The following OVCH1 variants were observed in gnomAD, a reference collection of about 807,000 sequenced individuals.
OVCH1 encodes ovochymase 1, also known as ovochymase-1.
OVCH1 carries 139 observed loss-of-function variants against 138.4 expected under a neutral mutation model. That is an observed-to-expected ratio of 1.00 (90% CI 0.87 to 1.16). OVCH1 has a LOEUF of 1.16. Among genes scored for constraint, OVCH1 ranks in the 50% most tolerant of loss-of-function variants. OVCH1 has a pLI of 0.00. For synonymous variants in OVCH1, 453 were observed against 467.8 expected (o/e 0.97, Z 0.41); for missense variants, 1,367 against 1,357.9 (o/e 1.01, Z -0.11).
chr12:29,489,519 T>G, intron 6 of OVCH1, 101 bp downstream of exon 6: 1 of 1,300,388 alleles, frequency 7.7e-7, no homozygotes, highest in South Asian at 1.7e-5. Flanking sequence ...AAAAGAATTT[T>G]GACACAGTAA....
At chr12:29,486,612 A>G (rs1943115421) in intron 7 of OVCH1, among the ~76,000 whole-genome samples, 1 of 152,198 alleles carries the variant, frequency 6.6e-6, no homozygotes, top group Non-Finnish European at 1.5e-5. Flanking sequence ...GATTTTTAAG[A>G]GTTAAGAAAA....
At chr12:29,483,649 C>T (rs1416532615) in intron 8 of OVCH1, among the ~76,000 whole-genome samples, 13 of 152,152 alleles carry the variant, frequency 8.5e-5, no homozygotes, top group Non-Finnish European at 2.9e-5. Flanking sequence ...GTTGTCCAGT[C>T]ACAGTGGGAT....
At chr12:29,473,309 T>A (rs1942580583) in intron 14 of OVCH1, among the ~76,000 whole-genome samples, 1 of 152,178 alleles carries the variant, frequency 6.6e-6, no homozygotes, top group Non-Finnish European at 1.5e-5. Context: ...AAGCACTTCT[T>A]CCTTCCTTGG....
intron 12 of OVCH1, among the ~76,000 whole-genome samples, chr12:29,476,755 G>GCGCGCGCACACACACACACA (rs1264497944): frequency 9.7e-6 from 1 of 103,342 alleles, no homozygotes; most frequent in Non-Finnish European, 2.1e-5. Flanking sequence ...ACACACGCGC[G>GCGCGCGCACACACACACACA]CACACACACA....
exon 26 of OVCH1, chr12:29,439,397 T>G: frequency 6.4e-7 from 1 of 1,556,140 alleles, no homozygotes; most frequent in Non-Finnish European, 8.7e-7. Flanking sequence ...TTAATATGTC[T>G]TTTGTCAGTA....
chr12:29,479,568 G>A lies in OVCH1; in HGVS notation c.996-660C>T, dbSNP rs1003744506. Among the ~76,000 whole-genome samples the A allele has an allele frequency of 7.2e-5, 11 of 152,090 alleles. No homozygotes were observed. In the South Asian group the frequency reaches 1.7e-3, roughly 23 times the overall value. On this transcript the variant is annotated intron_variant, in intron 8 of 27. Coordinates refer to ENST00000318184, the Ensembl canonical transcript of OVCH1. ...ATTATTCAAGAAAATAAATCCTAGT[G>A]GGCCATAAATCCTAGCTTCTTCCAT...
chr12:29,489,370 G>A (rs559824764), intron 6 of OVCH1, among the ~76,000 whole-genome samples: 10 of 152,268 alleles, frequency 6.6e-5, no homozygotes, highest in African/African-American at 2.2e-4. Flanking sequence ...GGTTGCACAC[G>A]TTGAAACTAA....
At chr12:29,462,216 G>A (rs955807653) in intron 18 of OVCH1, among the ~76,000 whole-genome samples, 1 of 152,044 alleles carries the variant, frequency 6.6e-6, no homozygotes, top group African/African-American at 2.4e-5. Flanking sequence ...TGTAAAGAGA[G>A]GCCACTGGCA....
chr12:29,475,621 C>G (rs1036459341), intron 13 of OVCH1, among the ~76,000 whole-genome samples: 5 of 152,150 alleles, frequency 3.3e-5, no homozygotes, highest in Admixed American at 3.3e-4. Flanking sequence ...TGTGCTCTCA[C>G]TAACCTGCCC....
chr12:29,454,184 A>T (rs1253184363), intron 21 of OVCH1, among the ~76,000 whole-genome samples: 1 of 152,078 alleles, frequency 6.6e-6, no homozygotes, highest in African/African-American at 2.4e-5. Context: ...ACTAGATCTC[A>T]TCTTCTTTCT....
At chr12:29,433,766 T>A in exon 27 of OVCH1, 1 of 1,425,150 alleles carries the variant, frequency 7.0e-7, no homozygotes, top group Non-Finnish European at 9.4e-7. Context: ...TTAAATTTGA[T>A]GCAAATTTCT....
At chr12:29,472,616 A>G (rs1942551773) in intron 15 of OVCH1, among the ~76,000 whole-genome samples, 1 of 152,216 alleles carries the variant, frequency 6.6e-6, no homozygotes, top group Admixed American at 6.5e-5. Flanking sequence ...AACATATTCA[A>G]TACATGTATG....
intron 3 of OVCH1, among the ~76,000 whole-genome samples, chr12:29,415,420 A>G (rs1941019904): frequency 6.6e-6 from 1 of 152,214 alleles, no homozygotes; most frequent in Non-Finnish European, 1.5e-5. Context: ...AATGCTTCTT[A>G]ACCTTGGCTG....
At chr12:29,477,224 A>G (rs1391595337) in exon 12 of OVCH1, 2 of 1,613,572 alleles carry the variant, frequency 1.2e-6, no homozygotes, top group Non-Finnish European at 1.7e-6. Context: ...AGACTCCCAC[A>G]ACCTGACCCT....
At chr12:29,403,800 T>G in the OVCH1 span, among the ~76,000 whole-genome samples, 1 of 152,356 alleles carries the variant, frequency 6.6e-6, no homozygotes, top group South Asian at 2.1e-4. Flanking sequence ...TGTATCCCTG[T>G]GAGTAAAGTT....
chr12:29,486,765 T>C, intron 7 of OVCH1: 1 of 345,494 alleles, frequency 2.9e-6, no homozygotes, highest in Non-Finnish European at 5.8e-6. Flanking sequence ...ACTTATCATG[T>C]TCTGGTGTTC....
At chr12:29,467,153 G>A (rs1344159853) in intron 16 of OVCH1, among the ~76,000 whole-genome samples, 1 of 152,052 alleles carries the variant, frequency 6.6e-6, no homozygotes, top group African/African-American at 2.4e-5. Flanking sequence ...TGCCATGCAC[G>A]CTACTGGAAG....
At position 29,489,501 on chromosome 12, in the gene OVCH1, T is replaced by C. The variant is rs375929254; in HGVS notation, c.702+119A>G. The C allele has an allele frequency of 9.3e-6, 11 of 1,181,270 alleles. No homozygotes were observed. The East Asian group carries it at 1.1e-4, about 12-fold the overall frequency. The allele number at this position is 1,181,270 out of a possible 1,614,324, so 73.2% of individuals were successfully genotyped here. ...TTTCAGTAGAAATCAGAGGAAAAGA[T>C]GAAGGGAAAAAGAATTTTGACACAG... On this transcript the variant is annotated intron_variant, in intron 6 of 27. Transcript: ENST00000318184.
Position 29,431,806 on chromosome 12 carries a change from A to T in OVCH1, c.3327+1945T>A, listed in dbSNP as rs1941274238. ...TCTACATTAAAGGTTTTCTATGTTT[A>T]TCTGAAAAACAGAATGAATATATGT... On this transcript the variant is annotated intron_variant, in intron 27 of 27. Coordinates refer to ENST00000318184, the Ensembl canonical transcript of OVCH1. Among the ~76,000 whole-genome samples the T allele has an allele frequency of 2.6e-5, 4 of 152,196 alleles. No homozygotes were observed. In the South Asian group the frequency reaches 8.3e-4, roughly 32 times the overall value.
Sources: gnomAD v4.1 joint callset for allele counts (sites outside exome capture counted in the v4.1 genomes callset) on GRCh38, gnomAD v4.1.1 for gene constraint, MANE v1.5 for transcripts, NCBI Gene and HGNC (gene_info 2026-07-23, HGNC 2026-07-21) for gene names.